Variants in EVL observed in about 807,000 individuals in gnomAD.
EVL encodes Enah/Vasp-like.
Under a neutral mutation model 59.6 loss-of-function variants are expected in EVL, and 21 were observed. The observed-to-expected ratio is 0.35, with a 90% CI of 0.25 to 0.51. The LOEUF (loss-of-function observed/expected upper bound fraction) is 0.51, where lower values mean the gene tolerates loss of function less well. Among genes scored for constraint, EVL ranks in the 20% least tolerant of loss-of-function variants. EVL has a pLI of 0.97. For missense variants in EVL, 462 were observed against 546.6 expected, an observed-to-expected ratio of 0.85 and a Z score of 1.54; for synonymous variants, 198 against 203.5, an observed-to-expected ratio of 0.97 and a Z score of 0.23.
intron 3 of EVL, among the ~76,000 whole-genome samples, chr14:100,121,862 G>T (rs368302925): frequency 1.3e-5 from 2 of 152,232 alleles, no homozygotes; most frequent in East Asian, 1.9e-4. Context: ...TGGAGCCCAA[G>T]CGTGGAAAGG....
chr14:100,116,747 T>G (rs969006058), intron 3 of EVL, among the ~76,000 whole-genome samples: 6 of 152,202 alleles, frequency 3.9e-5, no homozygotes, highest in Non-Finnish European at 5.9e-5. Context: ...GTGCATGATT[T>G]GGAAATTCAG....
intron 2 of EVL, among the ~76,000 whole-genome samples, chr14:100,088,273 G>C (rs1015094191): frequency 4.6e-5 from 7 of 152,144 alleles, no homozygotes; most frequent in African/African-American, 1.7e-4. Context: ...GGCATATATG[G>C]GGTCAAGAAG....
intron 1 of EVL, among the ~76,000 whole-genome samples, chr14:100,036,945 G>A (rs117479284): frequency 0.018 from 2,687 of 152,294 alleles, 34 homozygotes; most frequent in Non-Finnish European, 0.026. Context: ...GAGAGGAGGT[G>A]AAGACATGAG....
chr14:99,994,113 T>C (rs1037894129), intron 1 of EVL, among the ~76,000 whole-genome samples: 12 of 72,840 alleles, frequency 1.6e-4, no homozygotes, highest in Non-Finnish European at 2.4e-4. Flanking sequence ...GCCTTTTGGC[T>C]TTTTTTTTTT....
rs1327264896 is a variant in EVL at position 100,137,625 on chromosome 14, G to A, written c.1012G>A (p.Val338Met). The A allele has an allele frequency of 1.2e-6, 2 of 1,614,138 alleles. No homozygotes were observed. Among genetic ancestry groups the A allele is most frequent in the East Asian group, 2.2e-5 (1 of 44,882 alleles). ...WERSNSVEKPVSSILSRTPSV... is the reference protein window; with the variant it reads ...WERSNSVEKPMSSILSRTPSV... ...GCGGAGCAACTCGGTGGAGAAGCCT[G>A]TGTCCTCGATTCTGTCCAGGTGAGC... Residue 338 changes from valine (V) to methionine (M), a missense_variant, in exon 10 of 14, where the codon GTG becomes ATG. Transcript: ENST00000392920.
intron 1 of EVL, among the ~76,000 whole-genome samples, chr14:100,044,095 G>C (rs189928103): frequency 6.6e-6 from 1 of 152,174 alleles, no homozygotes; most frequent in Non-Finnish European, 1.5e-5. Context: ...CACTTTACCT[G>C]CTCTCTAGGT....
intron 1 of EVL, among the ~76,000 whole-genome samples, chr14:99,982,356 C>T (rs947815733): frequency 5.3e-5 from 8 of 151,948 alleles, no homozygotes; most frequent in African/African-American, 1.5e-4. Flanking sequence ...ATAATTTATT[C>T]GTAATATATA....
At chr14:100,092,593 G>A (rs1238764617) in intron 2 of EVL, among the ~76,000 whole-genome samples, 2 of 151,998 alleles carry the variant, frequency 1.3e-5, no homozygotes, top group Non-Finnish European at 2.9e-5. Context: ...ACATTAGCCA[G>A]GTGTAATGGC....
chr14:100,141,272 CAA>C, intron 12 of EVL, 26 bp downstream of exon 12: 1 of 1,612,288 alleles, frequency 6.2e-7, no homozygotes, highest in Non-Finnish European at 8.5e-7. Flanking sequence ...GCCCTTCCCT[CAA>C]GAGGCTGAGG....
intron 4 of EVL, among the ~76,000 whole-genome samples, chr14:100,125,382 C>G (rs1888007772): frequency 6.6e-6 from 1 of 152,172 alleles, no homozygotes; most frequent in Non-Finnish European, 1.5e-5. Context: ...TCCAAGCATC[C>G]AAACAGTACC....
rs1398449751 is a variant in EVL, at chr14:100,127,502, C to T, written c.487+731C>T. ...TCACCCCCACCTAGCTGCTGCTGGC[C>T]TCCTGCTCCCCGGCCAGTCTGCATT... On this transcript the variant is annotated intron_variant, in intron 5 of 13. Transcript: ENST00000392920. The surrounding 1 kb of genome is among the most constrained non-coding windows in gnomAD (Gnocchi z 4.2). Among the ~76,000 whole-genome samples the T allele has an allele frequency of 6.6e-6, 1 of 152,194 alleles. No individual in the cohort carries two copies. Among genetic ancestry groups the T allele is most frequent in the Non-Finnish European group, 1.5e-5 (1 of 68,028 alleles).
At chr14:100,047,758 T>C (rs540193110) in intron 1 of EVL, among the ~76,000 whole-genome samples, 75 of 152,286 alleles carry the variant, frequency 4.9e-4, no homozygotes, top group African/African-American at 1.7e-3. Flanking sequence ...GCCTGGTGTT[T>C]TTACAAGTTA....
chr14:100,111,806 A>G (rs888640321), intron 3 of EVL, among the ~76,000 whole-genome samples: 5 of 152,230 alleles, frequency 3.3e-5, no homozygotes, highest in African/African-American at 9.6e-5. Context: ...CACAGTGCTA[A>G]GAAACTTGCC....
chr14:100,023,458 G>A (rs2061161773), intron 1 of EVL, among the ~76,000 whole-genome samples: 2 of 147,752 alleles, frequency 1.4e-5, no homozygotes, highest in Admixed American at 1.4e-4. Flanking sequence ...CTCCCGAGTA[G>A]CTGGGATTAC....
chr14:100,115,656 G>A (rs1887293875), intron 3 of EVL, among the ~76,000 whole-genome samples: 1 of 152,196 alleles, frequency 6.6e-6, no homozygotes, highest in Non-Finnish European at 1.5e-5. Flanking sequence ...CAGGGCTTAG[G>A]TAGGAGGGTC....
At chr14:100,038,771 G>GGGGTGTGTGTGTGTGTGTGTGT (rs375810603) in intron 1 of EVL, among the ~76,000 whole-genome samples, 1 of 140,916 alleles carries the variant, frequency 7.1e-6, no homozygotes, top group Non-Finnish European at 1.5e-5. Context: ...TGTGCCCTGG[G>GGGGTGTGTGTGTGTGTGTGTGT]GTGTGTGTGT....
rs921334126 is a variant in EVL at position 100,133,689 on chromosome 14, G to C, written c.900+910G>C. 2.0e-5 allele frequency among the ~76,000 whole-genome samples: 3 copies of C among 152,126 alleles called. No individual in the cohort carries two copies. The East Asian group carries it at 5.8e-4, about 29-fold the overall frequency. ...TCAACACTTCACACTTGTAGTCCCA[G>C]CACTTTGGGAGGCCGAGGCAGACGG... On this transcript the variant is annotated intron_variant, in intron 8 of 13. Coordinates refer to ENST00000392920, the MANE Select transcript of EVL (RefSeq NM_016337.3).
At chr14:100,066,476 A>T (rs1304776143) in intron 1 of EVL, 1 of 152,226 alleles carries the variant, frequency 6.6e-6, no homozygotes, top group African/African-American at 2.4e-5. Flanking sequence ...ACAGGCACAG[A>T]AGCAGCTTGC....
chr14:100,095,857 A>C (rs1286939749), intron 2 of EVL, among the ~76,000 whole-genome samples: 1 of 152,092 alleles, frequency 6.6e-6, no homozygotes, highest in African/African-American at 2.4e-5. Flanking sequence ...CCTCCCAAGT[A>C]GCTGGGACTA....
Sources: gnomAD v4.1 joint callset for allele counts (sites outside exome capture counted in the v4.1 genomes callset) on GRCh38, gnomAD v4.1.1 for gene constraint, Gnocchi (gnomAD v3.1) non-coding constraint, MANE v1.5 for transcripts, NCBI Gene and HGNC (gene_info 2026-07-23, HGNC 2026-07-21) for gene names.